UNC5C: variants seen among roughly 807,000 people sequenced by gnomAD.
UNC5C encodes the protein netrin receptor UNC5C.
A neutral mutation model predicts 99.8 loss-of-function variants in UNC5C; 47 were observed. That is an observed-to-expected ratio of 0.47 (90% confidence interval 0.37 to 0.60). The LOEUF (loss-of-function observed/expected upper bound fraction) is 0.60. Ranked by LOEUF, UNC5C falls within the 20% of genes least tolerant of loss-of-function variation. UNC5C has a pLI of 0.00. For synonymous variants in UNC5C, 487 were observed against 452.2 expected (o/e 1.08, Z -0.98); for missense variants, 1,062 against 1,165.9 (o/e 0.91, Z 1.30).
rs368338183 is a variant in UNC5C at position 95,471,723 on chromosome 4, GA to G, written c.124+77010del. 3.7e-4 allele frequency among the ~76,000 whole-genome samples: 57 copies of G among 152,134 alleles called. No individual in the cohort carries two copies. The South Asian group carries it at 0.012, about 31-fold the overall frequency. On this transcript the variant is annotated intron_variant, in intron 1 of 15. Coordinates refer to ENST00000453304, the MANE Select transcript of UNC5C (RefSeq NM_003728.4). ...GCACATACATAACTTTAACAGTTTT[GA>G]GGGGATGCCCCTGTTAATTTCTTTA...
At chr4:95,271,451 G>C (rs1041457841) in intron 4 of UNC5C, among the ~76,000 whole-genome samples, 2 of 151,848 alleles carry the variant, frequency 1.3e-5, no homozygotes, top group African/African-American at 4.8e-5. Context: ...GGATGGTCTC[G>C]ATCTCCTGAC....
intron 1 of UNC5C, among the ~76,000 whole-genome samples, chr4:95,543,490 T>C (rs1722969216): frequency 6.6e-6 from 1 of 152,242 alleles, no homozygotes. Flanking sequence ...TTTGAATAAA[T>C]GAAAGTTCTG....
intron 1 of UNC5C, among the ~76,000 whole-genome samples, chr4:95,454,157 C>G (rs1044694494): frequency 6.6e-6 from 1 of 151,972 alleles, no homozygotes; most frequent in Admixed American, 6.6e-5. Flanking sequence ...TTATGTGTTA[C>G]GCGAATTTCA....
chr4:95,252,925 T>C lies in UNC5C; in HGVS notation c.595-2258A>G, dbSNP rs1211281004. ...TTCAGGCACAAAATTGTTTAACATA[T>C]TATATAAAGTTACCTTCAGGCTATG... On this transcript the variant is annotated intron_variant, in intron 4 of 15. Coordinates refer to ENST00000453304, the MANE Select transcript of UNC5C (RefSeq NM_003728.4). Among the ~76,000 whole-genome samples, 11 of 152,318 alleles carry C rather than the reference T, an allele frequency of 7.2e-5. No homozygotes were observed. In the East Asian group the frequency reaches 9.6e-4, roughly 13 times the overall value.
chr4:95,265,155 C>A (rs1430706752), intron 4 of UNC5C, among the ~76,000 whole-genome samples: 1 of 152,144 alleles, frequency 6.6e-6, no homozygotes, highest in Non-Finnish European at 1.5e-5. Context: ...ATGAGATATG[C>A]ACTGGTTGAG....
At chr4:95,190,655 C>T (rs1182869400) in intron 12 of UNC5C, among the ~76,000 whole-genome samples, 2 of 152,140 alleles carry the variant, frequency 1.3e-5, no homozygotes, top group Admixed American at 6.6e-5. Flanking sequence ...TCTAACTTTT[C>T]CTTGCAAAGA....
intron 4 of UNC5C, among the ~76,000 whole-genome samples, chr4:95,267,317 T>C (rs1328985338): frequency 2.0e-5 from 3 of 152,218 alleles, no homozygotes; most frequent in Admixed American, 2.0e-4. Flanking sequence ...GTAGTAATCA[T>C]AGCTATTTTC....
intron 1 of UNC5C, among the ~76,000 whole-genome samples, chr4:95,437,778 G>A (rs545524890): frequency 6.6e-6 from 1 of 152,170 alleles, no homozygotes; most frequent in African/African-American, 2.4e-5. Context: ...CTCATGCAAT[G>A]GCACATGATT....
At chr4:95,306,595 C>T (rs558120789) in intron 2 of UNC5C, among the ~76,000 whole-genome samples, 10 of 152,146 alleles carry the variant, frequency 6.6e-5, no homozygotes, top group Non-Finnish European at 1.5e-4. Flanking sequence ...AGTGAATTTG[C>T]GCCTTCTGAT....
At chr4:95,214,256 T>G (rs1738172009) in intron 10 of UNC5C, among the ~76,000 whole-genome samples, 1 of 152,214 alleles carries the variant, frequency 6.6e-6, no homozygotes, top group African/African-American at 2.4e-5. Context: ...CCTGTGTTTG[T>G]TTCTTGGTTC....
chr4:95,355,616 C>T (rs552141868), intron 1 of UNC5C, among the ~76,000 whole-genome samples: 18 of 152,078 alleles, frequency 1.2e-4, no homozygotes, highest in African/African-American at 4.1e-4. Context: ...GCCCCACCCC[C>T]CCAGCATGAA....
intron 15 of UNC5C, among the ~76,000 whole-genome samples, chr4:95,169,847 A>G (rs755833594): frequency 1.9e-4 from 29 of 152,164 alleles, no homozygotes; most frequent in Non-Finnish European, 3.2e-4. Context: ...GCTCAACTGC[A>G]GAGGAGGAGC....
At chr4:95,540,298 A>G (rs1017337522) in intron 1 of UNC5C, among the ~76,000 whole-genome samples, 3 of 152,202 alleles carry the variant, frequency 2.0e-5, no homozygotes, top group Admixed American at 6.5e-5. Context: ...GAATAATATT[A>G]TGATGAAATA....
intron 9 of UNC5C, among the ~76,000 whole-genome samples, chr4:95,216,933 TG>T (rs1189824978): frequency 6.6e-6 from 1 of 152,150 alleles, no homozygotes; most frequent in African/African-American, 2.4e-5. Flanking sequence ...ATATGGGGTG[TG>T]GGGTAGATTT....
At chr4:95,186,630 A>T (rs1736842164) in intron 12 of UNC5C, among the ~76,000 whole-genome samples, 1 of 152,210 alleles carries the variant, frequency 6.6e-6, no homozygotes, top group African/African-American at 2.4e-5. Flanking sequence ...GGTGTAAAAA[A>T]ATATTAGGAT....
intron 1 of UNC5C, among the ~76,000 whole-genome samples, chr4:95,339,348 T>C (rs1442896823): frequency 6.6e-6 from 1 of 152,010 alleles, no homozygotes; most frequent in Non-Finnish European, 1.5e-5. Flanking sequence ...TTTCAGGGCA[T>C]TAAAGGACTG....
At chr4:95,297,126 ACT>A (rs1741694675) in intron 3 of UNC5C, among the ~76,000 whole-genome samples, 1 of 151,964 alleles carries the variant, frequency 6.6e-6, no homozygotes, top group African/African-American at 2.4e-5. Flanking sequence ...GGGTGCTATA[ACT>A]CTGAAGGGCC....
At chr4:95,382,014 A>G (rs1310443070) in intron 1 of UNC5C, among the ~76,000 whole-genome samples, 1 of 152,172 alleles carries the variant, frequency 6.6e-6, no homozygotes, top group Non-Finnish European at 1.5e-5. Flanking sequence ...GGAGTCCCAG[A>G]CGAAGTAAGA....
intron 1 of UNC5C, among the ~76,000 whole-genome samples, chr4:95,545,355 T>C (rs1454167851): frequency 3.3e-5 from 5 of 152,206 alleles, no homozygotes; most frequent in Non-Finnish European, 4.4e-5. Flanking sequence ...TAAACAGAAG[T>C]AAACTAGCCT....
Sources: gnomAD v4.1 joint callset for allele counts (sites outside exome capture counted in the v4.1 genomes callset) on GRCh38, gnomAD v4.1.1 for gene constraint, MANE v1.5 for transcripts, NCBI Gene and HGNC (gene_info 2026-07-23, HGNC 2026-07-21) for gene names.